The following MBD4 variants were observed in gnomAD, a reference collection of about 807,000 sequenced individuals.
MBD4 encodes methyl-CpG-binding domain protein 4.
In MBD4, 53 loss-of-function variants were observed where a neutral mutation model predicts 60.2. The observed-to-expected ratio is 0.88, with a 90% CI of 0.71 to 1.11. The LOEUF (loss-of-function observed/expected upper bound fraction) is 1.11, where lower values mean the gene tolerates loss of function less well. Ranked by LOEUF, MBD4 falls within the 50% of genes least tolerant of loss-of-function variation. The pLI is 0.00. For missense variants in MBD4, 619 were observed against 674.0 expected (o/e 0.92, Z 0.90); for synonymous variants, 231 against 229.8 (o/e 1.01, Z -0.05).
Position 129,439,926 on chromosome 3 carries a change from C to T in MBD4, c.-93G>A, listed in dbSNP as rs1454059185. ...GTGAAACCTCTTCAGCTCACGGCAC[C>T]GGGCTGCAACCGAGGTCTGAATGTT... On this transcript the variant is annotated 5_prime_UTR_variant, in exon 1 of 8. Coordinates refer to ENST00000429544, the MANE Select transcript of MBD4 (RefSeq NM_001276270.2). The T allele has an allele frequency of 2.1e-5, 19 of 922,498 alleles. No individual in the cohort carries two copies. Among genetic ancestry groups the T allele is most frequent in the Non-Finnish European group, 3.0e-5 (17 of 574,330 alleles). 57.1% of individuals were successfully genotyped at this position (922,498 alleles called of 1,614,324 possible).
At chr3:129,433,678 G>A (rs2072400155) in intron 5 of MBD4, 172 bp downstream of exon 5, 1 of 700,624 alleles carries the variant, frequency 1.4e-6, no homozygotes, top group East Asian at 2.7e-5. Context: ...TAAAAGGTCT[G>A]TTGGATGTCA....
chr3:129,431,561 G>T lies in MBD4; in HGVS notation c.1665C>A (p.His555Gln). 6.2e-7 allele frequency: 1 copy of T among 1,612,384 alleles called. No individual in the cohort carries two copies. ...NEWKQVHPED[H>Q]KLNKYHDWLW... ...GCCAGTCATGATATTTATTTAATTTGTGGTCTTCAGGGTGCACCTGGAAGA... is the reference window on the plus strand; with the variant it reads ...GCCAGTCATGATATTTATTTAATTTTTGGTCTTCAGGGTGCACCTGGAAGA... The change falls in exon 8 of 8, where the codon CAC becomes CAA. Residue 555 changes from histidine to glutamine, a missense_variant. Transcript: ENST00000429544.
chr3:129,439,897 A>G lies in MBD4; in HGVS notation c.-64T>C. On this transcript the variant is annotated 5_prime_UTR_variant, in exon 1 of 8. Coordinates refer to ENST00000429544, the MANE Select transcript of MBD4 (RefSeq NM_001276270.2). Reference sequence around the variant, plus strand: ...AACGCCCAGGGTGTGGGGCGGAGTAAGATGTGAAACCTCTTCAGCTCACGG... The same window carrying G: ...AACGCCCAGGGTGTGGGGCGGAGTAGGATGTGAAACCTCTTCAGCTCACGG... 8.5e-7 allele frequency: 1 copy of G among 1,178,858 alleles called. No homozygotes were observed. Among genetic ancestry groups the G allele is most frequent in the Non-Finnish European group, 1.3e-6 (1 of 794,314 alleles). 73.0% of individuals were successfully genotyped at this position (1,178,858 alleles called of 1,614,324 possible). A position where few individuals can be genotyped will look rare whatever the true frequency, so the allele number is the denominator to read the frequency against.
At position 129,437,070 on chromosome 3, in the gene MBD4, G is replaced by A. The variant is rs775165657; in HGVS notation, c.574C>T (p.Pro192Ser). 3.1e-6 allele frequency: 5 copies of A among 1,614,016 alleles called. No individual in the cohort carries two copies. In the South Asian group the frequency reaches 3.3e-5, roughly 11 times the overall value. Residue 192 changes from proline (P) to serine (S), a missense_variant, in exon 3 of 8, where the codon CCA (proline) becomes TCA (serine). Physicochemically the swap from Pro to Ser is moderately conservative, Grantham distance 74 (BLOSUM62 -1). Transcript: ENST00000429544. ...SKCKKDVFMP[P>S]SSSSELQESR... is the part of the protein sequence containing the mutation. ...TCCTGCAACTCTGAACTACTACTTG[G>A]CGGCATAAACACATCCTTTTTGCAC...
Position 129,433,093 on chromosome 3 carries a change from A to T in MBD4, c.1543+5T>A, listed in dbSNP as rs1435488568. ...TGTTTTTCCTTTGGGTGTATAGGAA[A>T]ATACCTGAGAACTTGACAATGGTTT... is the stretch of plus-strand genomic sequence containing the variant. On this transcript the variant is annotated splice_donor_5th_base_variant and intron_variant, in intron 6 of 7. Coordinates refer to ENST00000429544, the MANE Select transcript of MBD4 (RefSeq NM_001276270.2). The T allele has an allele frequency of 6.2e-7, 1 of 1,614,180 alleles. No individual in the cohort carries two copies. Among genetic ancestry groups the T allele is most frequent in the South Asian group, 1.1e-5 (1 of 91,090 alleles).
chr3:129,432,390 T>C (rs925793213), intron 7 of MBD4, 113 bp downstream of exon 7: 7 of 1,594,824 alleles, frequency 4.4e-6, no homozygotes, highest in Admixed American at 1.7e-5. Flanking sequence ...AGGAACACAA[T>C]TGTTTGTGAC....
intron 1 of MBD4, 94 bp downstream of exon 1, chr3:129,439,636 C>T: frequency 5.8e-6 from 5 of 862,934 alleles, no homozygotes; most frequent in Non-Finnish European, 9.7e-6. Context: ...TGCCGACCCT[C>T]TGTCAAAGGT....
chr3:129,431,892 T>C (rs1483117290), intron 7 of MBD4, among the ~76,000 whole-genome samples: 2 of 152,220 alleles, frequency 1.3e-5, no homozygotes, highest in Non-Finnish European at 2.9e-5. Flanking sequence ...AGAGGTTAAA[T>C]GGATTCTCAG....
intron 5 of MBD4, chr3:129,433,637 T>C (rs375281430): frequency 1.6e-6 from 1 of 614,402 alleles, no homozygotes. Flanking sequence ...AATTTGGAAG[T>C]ATAAAATAAA....
At chr3:129,437,481 T>C (rs1009978339) in intron 2 of MBD4, among the ~76,000 whole-genome samples, 173 bp from the exon 3 acceptor site, 2 of 152,186 alleles carry the variant, frequency 1.3e-5, no homozygotes, top group Admixed American at 6.5e-5. Context: ...TCTATGACAA[T>C]ATAAATTTAT....
chr3:129,437,251 AT>A lies in MBD4; in HGVS notation c.392del (p.Asn131MetfsTer33). 1 of 1,611,752 alleles carries A rather than the reference AT, an allele frequency of 6.2e-7. No homozygotes were observed. The highest frequency in any genetic ancestry group is 1.7e-4 in the Middle Eastern group (1 of 6,060). Reference protein sequence around the residue: ...KSSLANYLHKNGETSLKPEDF... With the variant: ...KSSLANYLHKXGETSLKPEDF... Reference sequence around the variant, plus strand: ...CTTCTGGCTTAAGAGAAGTCTCTCCATTTTTGTGAAGATAATTAGCAAGTGA... The same window carrying A: ...CTTCTGGCTTAAGAGAAGTCTCTCCATTTTGTGAAGATAATTAGCAAGTGA... On this transcript the variant is annotated frameshift_variant, in exon 3 of 8. Coordinates refer to ENST00000429544, the MANE Select transcript of MBD4 (RefSeq NM_001276270.2). LOFTEE classifies it high-confidence loss of function.
chr3:129,439,828 G>C lies in MBD4; in HGVS notation c.6C>G (p.Gly2=). The part of the protein sequence containing the change: M[G]TTGLESLSLG... The stretch of plus-strand genomic sequence containing the variant: ...GACTCAGACTCTCCAGCCCAGTCGT[G>C]CCCATCGAGCAGGGTCCGGCTGCAG... Residue 2 remains glycine (G), a synonymous_variant, in exon 1 of 8, where the codon GGC becomes GGG. Coordinates refer to ENST00000429544, the MANE Select transcript of MBD4 (RefSeq NM_001276270.2). 1 of 1,610,194 alleles carries C rather than the reference G, an allele frequency of 6.2e-7. No individual in the cohort carries two copies. The highest frequency in any genetic ancestry group is 8.5e-7 in the Non-Finnish European group (1 of 1,177,952).
At chr3:129,436,310 C>G (rs1283552437) in intron 3 of MBD4, 151 bp downstream of exon 3, 3 of 831,402 alleles carry the variant, frequency 3.6e-6, no homozygotes, top group Non-Finnish European at 5.6e-6. Context: ...TTAGGATCAA[C>G]TGGTATCTCA....
In MBD4 at chr3:129,432,517, T is replaced by C. The variant is rs778573123; in HGVS notation, c.1633A>G (p.Asn545Asp). The change falls in exon 7 of 8, where the codon AAT becomes GAT. Residue 545 changes from asparagine to aspartate, a missense_variant. By Grantham distance (23) the Asn-to-Asp change is conservative (BLOSUM62 1). Coordinates refer to ENST00000429544, the MANE Select transcript of MBD4 (RefSeq NM_001276270.2). ...GTGAGCCTCACCTGCTTCCACTCAT[T>C]GACACAAAAAATTCGGTAAGAGTCG... Reference protein sequence around the residue: ...GNDSYRIFCVNEWKQVHPEDH... With the variant: ...GNDSYRIFCVDEWKQVHPEDH... The C allele has an allele frequency of 6.8e-6, 11 of 1,614,214 alleles. No homozygotes were observed. Among genetic ancestry groups the C allele is most frequent in the Non-Finnish European group, 9.3e-6 (11 of 1,180,046 alleles).
At chr3:129,432,139 A>G in intron 7 of MBD4, 26 of 1,272,070 alleles carry the variant, frequency 2.0e-5, no homozygotes, top group Non-Finnish European at 2.4e-5. Flanking sequence ...GAGAAACCCA[A>G]TATGCATACA....
At chr3:129,438,806 T>C (rs1214333868) in intron 1 of MBD4, among the ~76,000 whole-genome samples, 1 of 151,138 alleles carries the variant, frequency 6.6e-6, no homozygotes, top group African/African-American at 2.4e-5. Context: ...TGGTGGAGCA[T>C]ACCTGTGGTC....
Position 129,436,892 on chromosome 3 carries a change from C to A in MBD4, c.752G>T (p.Arg251Met), listed in dbSNP as rs1343817231. The change falls in exon 3 of 8, where the codon AGG becomes ATG. Residue 251 changes from arginine to methionine, a missense_variant. Coordinates refer to ENST00000429544, the MANE Select transcript of MBD4 (RefSeq NM_001276270.2). Reference protein sequence around the residue: ...IPIKKTKKGCRKSCSGFVQSD... With the variant: ...IPIKKTKKGCMKSCSGFVQSD... Reference sequence around the variant, plus strand: ...TTGAACAAAACCTGAACAGCTCTTCCTACATCCTTTTTTAGTTTTCTTAAT... The same window carrying A: ...TTGAACAAAACCTGAACAGCTCTTCATACATCCTTTTTTAGTTTTCTTAAT... The A allele has an allele frequency of 6.2e-7, 1 of 1,614,096 alleles. No individual in the cohort carries two copies.
intron 7 of MBD4, 60 bp from the exon 8 acceptor site, chr3:129,431,638 T>A: frequency 7.8e-7 from 1 of 1,275,560 alleles, no homozygotes; most frequent in Non-Finnish European, 1.1e-6. Flanking sequence ...AGAAATACAT[T>A]TTTTAAAATT....
chr3:129,438,679 G>C (rs1419969576), intron 1 of MBD4, among the ~76,000 whole-genome samples: 1 of 151,674 alleles, frequency 6.6e-6, no homozygotes, highest in Non-Finnish European at 1.5e-5. Context: ...GAGGAAGTGG[G>C]AAGATCACCT....
Sources: gnomAD v4.1 joint callset for allele counts (sites outside exome capture counted in the v4.1 genomes callset) on GRCh38, gnomAD v4.1.1 for gene constraint, MANE v1.5 for transcripts, NCBI Gene and HGNC (gene_info 2026-07-23, HGNC 2026-07-21) for gene names.